Variants in LRRC4C observed in about 807,000 individuals in gnomAD.
LRRC4C encodes the protein leucine rich repeat containing 4C, also known as leucine-rich repeat-containing protein 4C.
Under a neutral mutation model 33.6 loss-of-function variants are expected in LRRC4C, and 5 were observed. The ratio of observed to expected loss-of-function variants is 0.15; its 90% CI spans 0.08 to 0.31. The LOEUF is 0.31. Among genes scored for constraint, LRRC4C ranks in the 10% least tolerant of loss-of-function variants. The pLI is 1.00. For missense variants in LRRC4C, 560 were observed against 796.7 expected (o/e 0.70, Z 3.58); for synonymous variants, 329 against 302.0 (o/e 1.09, Z -0.93).
At chr11:40,977,981 A>C (rs1241533643) in intron 1 of LRRC4C, among the ~76,000 whole-genome samples, 1 of 152,182 alleles carries the variant, frequency 6.6e-6, no homozygotes, top group Non-Finnish European at 1.5e-5. Context: ...CTAACATAAA[A>C]TATTGTCATG....
intron 4 of LRRC4C, among the ~76,000 whole-genome samples, chr11:40,290,550 T>C (rs967402969): frequency 3.6e-4 from 55 of 152,188 alleles, no homozygotes; most frequent in African/African-American, 1.3e-3. Flanking sequence ...CTTTCAGCTG[T>C]GTGTTTCTGG....
intron 1 of LRRC4C, among the ~76,000 whole-genome samples, chr11:41,271,346 A>G (rs183498189): frequency 2.0e-4 from 31 of 152,230 alleles, no homozygotes; most frequent in African/African-American, 7.0e-4. Flanking sequence ...GTTAGAGTCT[A>G]TGGAACCTAA....
chr11:40,315,977 C>A (rs930259798), intron 4 of LRRC4C, among the ~76,000 whole-genome samples: 1 of 151,892 alleles, frequency 6.6e-6, no homozygotes, highest in Non-Finnish European at 1.5e-5. Flanking sequence ...TAACCAGGAC[C>A]GAATCATGGG....
chr11:40,531,956 G>A (rs1378334411), intron 3 of LRRC4C, among the ~76,000 whole-genome samples: 1 of 148,394 alleles, frequency 6.7e-6, no homozygotes, highest in Non-Finnish European at 1.5e-5. Context: ...CTGTGCTTGG[G>A]ATTTTTCATA....
chr11:40,504,284 G>T (rs1282024491), intron 3 of LRRC4C, among the ~76,000 whole-genome samples: 1 of 152,094 alleles, frequency 6.6e-6, no homozygotes, highest in Non-Finnish European at 1.5e-5. Context: ...TGAGTTTAAA[G>T]ACATAAAAAT....
intron 2 of LRRC4C, among the ~76,000 whole-genome samples, chr11:40,828,844 A>C (rs1007383162): frequency 1.2e-4 from 19 of 152,018 alleles, no homozygotes; most frequent in Middle Eastern, 3.4e-3. Flanking sequence ...TCTATTTCCT[A>C]AGGCAGTCAG....
At chr11:41,179,687 A>G (rs776055909) in intron 1 of LRRC4C, among the ~76,000 whole-genome samples, 3 of 152,236 alleles carry the variant, frequency 2.0e-5, no homozygotes, top group Non-Finnish European at 4.4e-5. Flanking sequence ...TCAAAGCTAG[A>G]TAGTAGGTAT....
At chr11:40,718,319 G>GCA (rs1303007361) in intron 2 of LRRC4C, among the ~76,000 whole-genome samples, 1 of 152,142 alleles carries the variant, frequency 6.6e-6, no homozygotes, top group African/African-American at 2.4e-5. Context: ...ATTTTACAAT[G>GCA]CATAGGACAG....
Position 41,332,553 on chromosome 11 carries a change from C to T in LRRC4C, c.-496+126878G>A, listed in dbSNP as rs144133334. On this transcript the variant is annotated intron_variant, in intron 1 of 6. Transcript: ENST00000528697. Reference sequence around the variant, plus strand: ...AGCACTCGATACCGTTTGGAATGTTCAGACTAAAATACACTAAACTCTTTT... The same window carrying T: ...AGCACTCGATACCGTTTGGAATGTTTAGACTAAAATACACTAAACTCTTTT... 4.7e-3 allele frequency among the ~76,000 whole-genome samples: 713 copies of T among 152,264 alleles called. 2 individuals carry two copies. The highest frequency in any genetic ancestry group is 7.7e-3 in the Non-Finnish European group (524 of 68,012).
At chr11:40,445,387 A>C (rs1333106955) in intron 3 of LRRC4C, 1 of 153,328 alleles carries the variant, frequency 6.5e-6, no homozygotes, top group Non-Finnish European at 1.5e-5. Flanking sequence ...ATGAGTAACC[A>C]GTTCAAAGTG....
chr11:41,334,191 CATAGTATAT>C (rs1375149569), intron 1 of LRRC4C, among the ~76,000 whole-genome samples: 1 of 152,144 alleles, frequency 6.6e-6, no homozygotes, highest in Admixed American at 6.5e-5. Flanking sequence ...CATTTCATAG[CATAGTATAT>C]ATAGTTCTGT....
chr11:40,657,402 G>A (rs749437117), intron 2 of LRRC4C, among the ~76,000 whole-genome samples: 3 of 152,202 alleles, frequency 2.0e-5, no homozygotes, highest in South Asian at 2.1e-4. Context: ...TGTAGGGCAT[G>A]AAAGGAAAAT....
chr11:40,737,980 G>A (rs890391265), intron 2 of LRRC4C, among the ~76,000 whole-genome samples: 6 of 152,074 alleles, frequency 3.9e-5, no homozygotes, highest in African/African-American at 1.2e-4. Flanking sequence ...ATATTGCAAG[G>A]CTACAGTAAC....
chr11:40,336,949 C>G (rs1316317629), intron 3 of LRRC4C, among the ~76,000 whole-genome samples: 1 of 122,856 alleles, frequency 8.1e-6, no homozygotes, highest in African/African-American at 3.7e-5. Context: ...TGCACTCCAG[C>G]CTGGGGGACA....
chr11:40,478,761 A>G (rs2138378677), intron 3 of LRRC4C, among the ~76,000 whole-genome samples: 1 of 152,330 alleles, frequency 6.6e-6, no homozygotes, highest in East Asian at 1.9e-4. Flanking sequence ...CCTGAATAAA[A>G]GACTCCTTAA....
chr11:41,376,094 G>GTATAAAATT lies in LRRC4C; in HGVS notation c.-496+83328_-496+83336dup, dbSNP rs539677636. ...GAGAAGACTAGCATTAATTGTATTT[G>GTATAAAATT]TATAAAATTTTCTCCTCCAGAAACA... On this transcript the variant is annotated intron_variant, in intron 1 of 6. Coordinates refer to ENST00000528697, the MANE Select transcript of LRRC4C (RefSeq NM_001258419.2). Among the ~76,000 whole-genome samples, 859 of 151,396 alleles carry GTATAAAATT rather than the reference G, an allele frequency of 5.7e-3. 5 individuals carry two copies. Among genetic ancestry groups the GTATAAAATT allele is most frequent in the African/African-American group, 0.02 (820 of 41,262 alleles).
chr11:40,331,679 C>A (rs771317065), intron 3 of LRRC4C, among the ~76,000 whole-genome samples: 3 of 152,126 alleles, frequency 2.0e-5, no homozygotes, highest in Non-Finnish European at 4.4e-5. Context: ...AGTTTGAATT[C>A]TCTCTCTCTT....
At chr11:41,100,586 A>C (rs140608357) in intron 1 of LRRC4C, among the ~76,000 whole-genome samples, 1 of 152,102 alleles carries the variant, frequency 6.6e-6, no homozygotes, top group East Asian at 1.9e-4. Flanking sequence ...TAATAATAAT[A>C]ATAACAATAA....
At chr11:41,377,370 C>T (rs1254632972) in intron 1 of LRRC4C, among the ~76,000 whole-genome samples, 1 of 152,086 alleles carries the variant, frequency 6.6e-6, no homozygotes, top group Non-Finnish European at 1.5e-5. Flanking sequence ...AAGACCAGTA[C>T]AAAATGTATT....
Sources: allele counts gnomAD v4.1 joint callset (sites outside exome capture counted in the v4.1 genomes callset), GRCh38; gene constraint gnomAD v4.1.1; transcripts MANE v1.5; gene names NCBI Gene and HGNC (gene_info 2026-07-23, HGNC 2026-07-21).